Variants in SYNPO2 observed in about 807,000 individuals in gnomAD.
The protein encoded by SYNPO2 is synaptopodin 2, also known as synaptopodin-2.
A neutral mutation model predicts 85.0 loss-of-function variants in SYNPO2; 56 were observed. The observed-to-expected ratio is 0.66, with a 90% CI of 0.53 to 0.82. The LOEUF (loss-of-function observed/expected upper bound fraction) is 0.82, where lower values mean the gene tolerates loss of function less well. Among genes scored for constraint, SYNPO2 ranks in the 40% least tolerant of loss-of-function variants. The pLI is 0.00. For synonymous variants in SYNPO2, 602 were observed against 591.1 expected, an observed-to-expected ratio of 1.02 and a Z score of -0.27; for missense variants, 1,575 against 1,534.2, an observed-to-expected ratio of 1.03 and a Z score of -0.44.
chr4:119,035,798 AAG>A (rs1429485318), intron 4 of SYNPO2: 1 of 979,780 alleles, frequency 1.0e-6, no homozygotes, highest in Non-Finnish European at 1.2e-6. Context: ...GCCTGGCAGC[AAG>A]AGTCACATCT....
Position 119,031,593 on chromosome 4 carries a change from T to G in SYNPO2, c.2818T>G (p.Ser940Ala). The change falls in exon 4 of 5, where the codon TCT (serine) becomes GCT (alanine). Residue 940 changes from serine to alanine, a missense_variant. Coordinates refer to ENST00000307142, the MANE Select transcript of SYNPO2 (RefSeq NM_133477.3). ...SPSYPLAALKSQPSAAQPSKM... is the reference protein window; with the variant it reads ...SPSYPLAALKAQPSAAQPSKM... ...GTCTTACCCACTGGCTGCTCTCAAG[T>G]CTCAGCCATCAGCTGCACAGCCCTC... The G allele has an allele frequency of 1.2e-6, 2 of 1,613,986 alleles. No individual in the cohort carries two copies. Among genetic ancestry groups the G allele is most frequent in the African/African-American group, 2.7e-5 (2 of 74,954 alleles).
intron 1 of SYNPO2, among the ~76,000 whole-genome samples, chr4:118,984,417 A>G (rs755758766): frequency 6.6e-6 from 1 of 152,204 alleles, no homozygotes; most frequent in Non-Finnish European, 1.5e-5. Flanking sequence ...AATCCTACAC[A>G]CATTGCCTTT....
chr4:118,942,611 T>C (rs1734352893), intron 1 of SYNPO2, among the ~76,000 whole-genome samples: 1 of 152,190 alleles, frequency 6.6e-6, no homozygotes, highest in African/African-American at 2.4e-5. Context: ...TAAAACCCTA[T>C]AAAGAGAATG....
intron 1 of SYNPO2, among the ~76,000 whole-genome samples, chr4:118,974,313 G>T (rs958848907): frequency 3.3e-5 from 5 of 152,214 alleles, no homozygotes; most frequent in African/African-American, 1.2e-4. Flanking sequence ...TCTTTTTAGA[G>T]CCAAGTTATA....
At chr4:119,005,667 C>T (rs1351705033) in intron 1 of SYNPO2, among the ~76,000 whole-genome samples, 1 of 151,516 alleles carries the variant, frequency 6.6e-6, no homozygotes, top group Non-Finnish European at 1.5e-5. Flanking sequence ...AGCGTGATGC[C>T]TCCTGCTTTG....
intron 1 of SYNPO2, among the ~76,000 whole-genome samples, chr4:118,890,060 A>G (rs1732310191): frequency 6.6e-6 from 1 of 152,010 alleles, no homozygotes; most frequent in Non-Finnish European, 1.5e-5. Flanking sequence ...AAAAATGGGT[A>G]CAGATCTTTA....
chr4:118,948,998 T>C (rs1734596536), intron 1 of SYNPO2, among the ~76,000 whole-genome samples: 1 of 152,194 alleles, frequency 6.6e-6, no homozygotes, highest in Non-Finnish European at 1.5e-5. Context: ...CTGGGTTTCC[T>C]TGCAGACAAA....
At chr4:118,893,044 A>G (rs1286441783) in intron 1 of SYNPO2, among the ~76,000 whole-genome samples, 1 of 152,186 alleles carries the variant, frequency 6.6e-6, no homozygotes, top group East Asian at 1.9e-4. Context: ...AAAAGATTTT[A>G]ATGTGTTTGA....
rs1738338707 is a variant in SYNPO2 at position 119,032,816 on chromosome 4, T to TG, written c.3252+791dup. The TG allele has an allele frequency of 3.4e-6, 3 of 895,372 alleles. No homozygotes were observed. In the South Asian group the frequency reaches 1.5e-4, roughly 46 times the overall value. The allele number at this position is 895,372 out of a possible 1,614,324, so 55.5% of individuals were successfully genotyped here. A position where few individuals can be genotyped will look rare whatever the true frequency, so the allele number is the denominator to read the frequency against. Reference sequence around the variant, plus strand: ...AGGAGGACTGCTTGAGGCCGGGAGTTGGAGACCAGCCTGAGCAACATAGTG... The same window carrying TG: ...AGGAGGACTGCTTGAGGCCGGGAGTTGGGAGACCAGCCTGAGCAACATAGTG... On this transcript the variant is annotated intron_variant, in intron 4 of 4. Coordinates refer to ENST00000307142, the MANE Select transcript of SYNPO2 (RefSeq NM_133477.3).
intron 4 of SYNPO2, among the ~76,000 whole-genome samples, chr4:119,046,862 T>C (rs927996752): frequency 6.6e-6 from 1 of 152,240 alleles, no homozygotes; most frequent in African/African-American, 2.4e-5. Context: ...TTACGCTTTC[T>C]CACAAACAGA....
intron 1 of SYNPO2, among the ~76,000 whole-genome samples, chr4:118,976,248 G>C (rs866139449): frequency 6.6e-6 from 1 of 152,054 alleles, no homozygotes; most frequent in Non-Finnish European, 1.5e-5. Flanking sequence ...TGGCTCAGGA[G>C]TGAAGCTGCA....
chr4:118,980,504 T>TC, intron 1 of SYNPO2, among the ~76,000 whole-genome samples: 1 of 149,930 alleles, frequency 6.7e-6, no homozygotes, highest in Non-Finnish European at 1.5e-5. Flanking sequence ...TTCTTTCTTT[T>TC]CCCCCCTTCC....
intron 1 of SYNPO2, among the ~76,000 whole-genome samples, chr4:118,972,327 C>G (rs1189786122): frequency 2.0e-5 from 3 of 151,816 alleles, no homozygotes; most frequent in Non-Finnish European, 4.4e-5. Context: ...GCCTGTAGTC[C>G]CAGCTACTTA....
intron 1 of SYNPO2, among the ~76,000 whole-genome samples, chr4:118,929,520 G>GT (rs1281594992): frequency 6.6e-6 from 1 of 152,038 alleles, no homozygotes; most frequent in Non-Finnish European, 1.5e-5. Context: ...TAAGTAAAGT[G>GT]AAGAGCTGTC....
chr4:118,975,953 T>G (rs562060346), intron 1 of SYNPO2, among the ~76,000 whole-genome samples: 2 of 152,326 alleles, frequency 1.3e-5, no homozygotes, highest in Admixed American at 6.5e-5. Context: ...ATTTTACAGA[T>G]TTGTTGCAAA....
intron 1 of SYNPO2, among the ~76,000 whole-genome samples, chr4:118,851,663 T>A (rs573749294): frequency 6.6e-6 from 1 of 152,222 alleles, no homozygotes; most frequent in African/African-American, 2.4e-5. Flanking sequence ...GTAAGTAACA[T>A]TTTGATTAAA....
intron 1 of SYNPO2, among the ~76,000 whole-genome samples, chr4:118,963,527 G>A (rs1735185276): frequency 6.6e-6 from 1 of 152,094 alleles, no homozygotes; most frequent in African/African-American, 2.4e-5. Flanking sequence ...TTAGAAGTTG[G>A]AGTCTTGTGA....
At position 118,934,492 on chromosome 4, in the gene SYNPO2, A is replaced by T. The variant is rs548757819; in HGVS notation, c.105+45351A>T. The stretch of plus-strand genomic sequence containing the variant: ...TCTCAAGACATCAGAACTGGATTAA[A>T]TTACATGCTCACCCCAACCCAATCA... On this transcript the variant is annotated intron_variant, in intron 1 of 4. Coordinates refer to ENST00000307142, the MANE Select transcript of SYNPO2 (RefSeq NM_133477.3). 7.2e-5 allele frequency among the ~76,000 whole-genome samples: 11 copies of T among 152,304 alleles called. No homozygotes were observed. In the South Asian group the frequency reaches 2.3e-3, roughly 32 times the overall value.
In SYNPO2 at chr4:118,904,896, T is replaced by C. The variant is rs564663393; in HGVS notation, c.105+15755T>C. ...ATTGGATGGTGCTCAGCATAACTGC[T>C]ATTAGATTGACTTGTGTAAATATTA... On this transcript the variant is annotated intron_variant, in intron 1 of 4. Transcript: ENST00000307142. Among the ~76,000 whole-genome samples, 213 of 152,352 alleles carry C rather than the reference T, an allele frequency of 1.4e-3. 2 individuals carry two copies. Among genetic ancestry groups the C allele is most frequent in the African/African-American group, 5.0e-3 (208 of 41,582 alleles).
Sources: allele counts gnomAD v4.1 joint callset (sites outside exome capture counted in the v4.1 genomes callset), GRCh38; gene constraint gnomAD v4.1.1; transcripts MANE v1.5; gene names NCBI Gene and HGNC (gene_info 2026-07-23, HGNC 2026-07-21).